Variants in FBH1 observed in about 807,000 individuals in gnomAD.
FBH1 encodes the protein F-box DNA helicase 1.
A neutral mutation model predicts 115.5 loss-of-function variants in FBH1; 43 were observed. The observed-to-expected ratio is 0.37, with a 90% CI of 0.29 to 0.48. FBH1 has a LOEUF of 0.48. Among genes scored for constraint, FBH1 ranks in the 20% least tolerant of loss-of-function variants. FBH1 has a pLI of 0.99. For synonymous variants in FBH1, 524 were observed against 507.8 expected, an observed-to-expected ratio of 1.03 and a Z score of -0.43; for missense variants, 1,001 against 1,337.3, an observed-to-expected ratio of 0.75 and a Z score of 3.92.
Position 5,910,553 on chromosome 10 carries a change from C to T in FBH1, c.1021-385C>T, listed in dbSNP as rs897079016. On this transcript the variant is annotated intron_variant, in intron 5 of 20. Transcript: ENST00000362091. This position sits in a 1 kb window ranked among gnomAD's most constrained non-coding sequence, Gnocchi z 4.8. ...TCTCTCATGCCTCTTGGGTGGGCGC[C>T]CCTTGCTGGCTGTTTTGCTCTGGCC... 6.6e-6 allele frequency among the ~76,000 whole-genome samples: 1 copy of T among 152,100 alleles called. No individual in the cohort carries two copies. The highest frequency in any genetic ancestry group is 1.5e-5 in the Non-Finnish European group (1 of 68,018).
rs1449900451 is a variant in FBH1 at position 5,918,921 on chromosome 10, TCA to T, written c.2100+446_2100+447del. Among the ~76,000 whole-genome samples the T allele has an allele frequency of 1.3e-5, 2 of 152,248 alleles. No individual in the cohort carries two copies. Among genetic ancestry groups the T allele is most frequent in the Non-Finnish European group, 2.9e-5 (2 of 68,036 alleles). On this transcript the variant is annotated intron_variant, in intron 13 of 20. Transcript: ENST00000362091. This position sits in a 1 kb window ranked among gnomAD's most constrained non-coding sequence, Gnocchi z 4.0. ...ACTCTCCCATAATGAATGTGACAAC[TCA>T]CAGTGTCCTTGATTATGCGAAAAGT...
In FBH1 at chr10:5,913,462, C is replaced by T. The variant is rs576107295; in HGVS notation, c.1212-285C>T. Among the ~76,000 whole-genome samples, 1 of 152,280 alleles carries T rather than the reference C, an allele frequency of 6.6e-6. No homozygotes were observed. The highest frequency in any genetic ancestry group is 6.5e-5 in the Admixed American group (1 of 15,292). ...TTACAGTTTTTCAGGTTGTTTGTCT[C>T]TTCAAGTCACAGCTGGCGCCCCTCA... On this transcript the variant is annotated intron_variant, in intron 6 of 20. Coordinates refer to ENST00000362091, the MANE Select transcript of FBH1 (RefSeq NM_178150.3). This position sits in a 1 kb window ranked among gnomAD's most constrained non-coding sequence, Gnocchi z 4.4.
Position 5,906,223 on chromosome 10 carries a change from G to C in FBH1, c.344G>C (p.Gly115Ala). The C allele has an allele frequency of 1.2e-6, 2 of 1,614,188 alleles. No homozygotes were observed. The highest frequency in any genetic ancestry group is 1.3e-5 in the African/African-American group (1 of 75,048). The change falls in exon 3 of 21, where the codon GGG becomes GCG. Residue 115 changes from glycine (G) to alanine (A), a missense_variant. Gly to Ala is a moderately conservative substitution (Grantham distance 60, BLOSUM62 0). This residue lies in a region of FBH1 where 420 missense variants were observed against 430.4 expected (regional missense o/e 0.98). Transcript: ENST00000362091. This position sits in a 1 kb window ranked among gnomAD's most constrained non-coding sequence, Gnocchi z 7.3. ...QEGSAGPGSP[G>A]SAPPSRKRSW... ...GGCAGTGCAGGGCCGGGCTCACCAG[G>C]GTCTGCCCCGCCCTCCAGGAAGCGG... is the stretch of plus-strand genomic sequence containing the variant.
In FBH1 at chr10:5,925,150, A is replaced by G; in HGVS notation, c.2597-217A>G. 1.8e-6 allele frequency: 1 copy of G among 547,936 alleles called. No homozygotes were observed. Among genetic ancestry groups the G allele is most frequent in the Non-Finnish European group, 3.2e-6 (1 of 313,180 alleles). The allele number at this position is 547,936 out of a possible 1,614,324, so 33.9% of individuals were successfully genotyped here. A position where few individuals can be genotyped will look rare whatever the true frequency, so the allele number is the denominator to read the frequency against. ...TTCCGAGAGGCGTTAACTCTCCTGCAACTAATTTTCGACTTTTCCCCTCGT... is the reference window on the plus strand; with the variant it reads ...TTCCGAGAGGCGTTAACTCTCCTGCGACTAATTTTCGACTTTTCCCCTCGT... On this transcript the variant is annotated intron_variant, in intron 17 of 20. Coordinates refer to ENST00000362091, the MANE Select transcript of FBH1 (RefSeq NM_178150.3). The surrounding 1 kb of genome is among the most constrained non-coding windows in gnomAD (Gnocchi z 4.6).
rs1458648008 is a variant in FBH1, at chr10:5,921,403, C to T, written c.2201-45C>T. On this transcript the variant is annotated intron_variant, in intron 14 of 20. Transcript: ENST00000362091. This position sits in a 1 kb window ranked among gnomAD's most constrained non-coding sequence, Gnocchi z 6.4. ...TCTCTTTTGTGTTACAAAAGTTTTC[C>T]TCTTTATTTCAATTTGCCATAGAGT... 1 of 1,610,174 alleles carries T rather than the reference C, an allele frequency of 6.2e-7. No individual in the cohort carries two copies. The highest frequency in any genetic ancestry group is 2.2e-5 in the East Asian group (1 of 44,830).
chr10:5,903,302 C>A, intron 2 of FBH1, 127 bp downstream of exon 2: 4 of 588,676 alleles, frequency 6.8e-6, no homozygotes, highest in Non-Finnish European at 1.0e-5. Context: ...AATAGCTTGA[C>A]ACTTTTTTTA....
chr10:5,917,520 C>T lies in FBH1; in HGVS notation c.1876+13C>T, dbSNP rs115190867. On this transcript the variant is annotated intron_variant, in intron 11 of 20. Transcript: ENST00000362091. The surrounding 1 kb of genome is among the most constrained non-coding windows in gnomAD (Gnocchi z 5.6). ...ATGACTCATGACGGTAGGCGGCTGC[C>T]GAATGGCGGGGACTGGCCAATGGGA... is the stretch of plus-strand genomic sequence containing the variant. The T allele has an allele frequency of 2.2e-4, 350 of 1,613,982 alleles. No homozygotes were observed. The African/African-American group carries it at 4.2e-3, about 20-fold the overall frequency.
chr10:5,924,569 GTTC>G lies in FBH1; in HGVS notation c.2596+64_2596+66del. 1.4e-6 allele frequency: 2 copies of G among 1,477,208 alleles called. No homozygotes were observed. The highest frequency in any genetic ancestry group is 1.2e-5 in the South Asian group (1 of 81,392). 91.5% of individuals were successfully genotyped at this position (1,477,208 alleles called of 1,614,324 possible). On this transcript the variant is annotated intron_variant, in intron 17 of 20. Transcript: ENST00000362091. The surrounding 1 kb of genome is among the most constrained non-coding windows in gnomAD (Gnocchi z 6.2). ...GAGGAGGAACAGATGGTCTTCTGCT[GTTC>G]TTTTTTTTTTTTTGAGACAGAGTAT... is the stretch of plus-strand genomic sequence containing the variant.
Position 5,906,271 on chromosome 10 carries a change from G to C in FBH1, c.392G>C (p.Ser131Thr). 6.2e-7 allele frequency: 1 copy of C among 1,614,208 alleles called. No individual in the cohort carries two copies. Among genetic ancestry groups the C allele is most frequent in the Non-Finnish European group, 8.5e-7 (1 of 1,180,020 alleles). ...CGGTCTTGGTCCTCTGAGGAAGAGA[G>C]TAACCAGGCTACCGGGACCAGCCGG... ...RKRSWSSEEE[S>T]NQATGTSRWD... Residue 131 changes from serine to threonine, a missense_variant, in exon 3 of 21, where the codon AGT becomes ACT. This residue lies in a region of FBH1 where 420 missense variants were observed against 430.4 expected (regional missense o/e 0.98). Transcript: ENST00000362091. This position sits in a 1 kb window ranked among gnomAD's most constrained non-coding sequence, Gnocchi z 7.3.
At chr10:5,934,912 G>A (rs935909318) in intron 19 of FBH1, 3 of 152,204 alleles carry the variant, frequency 2.0e-5, no homozygotes, top group Non-Finnish European at 4.4e-5. Context: ...GAACTCCTGG[G>A]CTCAAGTGAT....
At position 5,936,259 on chromosome 10, in the gene FBH1, C is replaced by G. The variant is rs375512387; in HGVS notation, c.2830-197C>G. 24 of 439,734 alleles carry G rather than the reference C, an allele frequency of 5.5e-5. No individual in the cohort carries two copies. In the South Asian group the frequency reaches 8.1e-4, roughly 15 times the overall value. 27.2% of individuals were successfully genotyped at this position (439,734 alleles called of 1,614,324 possible). A position where few individuals can be genotyped will look rare whatever the true frequency, so the allele number is the denominator to read the frequency against. ...TATATATATTTAAAAAGCAATTGGA[C>G]TGTCAGTTGGACTGTCGATAGCTTT... On this transcript the variant is annotated intron_variant, in intron 19 of 20. Transcript: ENST00000362091. The surrounding 1 kb of genome is among the most constrained non-coding windows in gnomAD (Gnocchi z 5.6).
chr10:5,916,860 T>G (rs1831996355), intron 10 of FBH1, among the ~76,000 whole-genome samples: 1 of 152,202 alleles, frequency 6.6e-6, no homozygotes, highest in Non-Finnish European at 1.5e-5. Flanking sequence ...TATTTTCTCC[T>G]GTGAAGGACA....
In FBH1 at chr10:5,907,605, C is replaced by T. The variant is rs187020066; in HGVS notation, c.753+973C>T. On this transcript the variant is annotated intron_variant, in intron 3 of 20. Transcript: ENST00000362091. The stretch of plus-strand genomic sequence containing the variant: ...TCTTGTGCCTTAGCCTCCCAAGTAG[C>T]TGGGATTACAGACATGTGCCACCAT... Among the ~76,000 whole-genome samples, 695 of 151,240 alleles carry T rather than the reference C, an allele frequency of 4.6e-3. 6 individuals are homozygous for T. The highest frequency in any genetic ancestry group is 0.016 in the African/African-American group (651 of 41,358).
chr10:5,928,675 T>G (rs955593363), intron 19 of FBH1: 1 of 152,222 alleles, frequency 6.6e-6, no homozygotes, highest in Non-Finnish European at 1.5e-5. Context: ...ACAAACCATC[T>G]TCTCACACTC....
Position 5,906,287 on chromosome 10 carries a change from G to A in FBH1, c.408G>A (p.Gly136=). 6.2e-7 allele frequency: 1 copy of A among 1,614,150 alleles called. No individual in the cohort carries two copies. The highest frequency in any genetic ancestry group is 2.2e-5 in the East Asian group (1 of 44,890). ...AGGAAGAGAGTAACCAGGCTACCGGGACCAGCCGGTGGGATGGAGTTTCTA... is the reference window on the plus strand; with the variant it reads ...AGGAAGAGAGTAACCAGGCTACCGGAACCAGCCGGTGGGATGGAGTTTCTA... ...SSEEESNQAT[G]TSRWDGVSKK... Residue 136 remains glycine (G), a synonymous_variant, in exon 3 of 21, where the codon GGG becomes GGA. Transcript: ENST00000362091. The surrounding 1 kb of genome is among the most constrained non-coding windows in gnomAD (Gnocchi z 7.3).
At position 5,921,442 on chromosome 10, in the gene FBH1, C is replaced by T. The variant is rs1269763512; in HGVS notation, c.2201-6C>T. 2.5e-6 allele frequency: 4 copies of T among 1,607,198 alleles called. No homozygotes were observed. Among genetic ancestry groups the T allele is most frequent in the Non-Finnish European group, 3.4e-6 (4 of 1,177,868 alleles). On this transcript the variant is annotated splice_polypyrimidine_tract_variant and splice_region_variant and intron_variant, in intron 14 of 20. Coordinates refer to ENST00000362091, the MANE Select transcript of FBH1 (RefSeq NM_178150.3). This position sits in a 1 kb window ranked among gnomAD's most constrained non-coding sequence, Gnocchi z 6.4. ...TTGCCATAGAGTTTGTGCTCTCTCC[C>T]TAAAGGTGGCATTAGAGGTGACGCA...
chr10:5,919,518 A>G (rs1276557159), intron 13 of FBH1, among the ~76,000 whole-genome samples: 1 of 152,202 alleles, frequency 6.6e-6, no homozygotes, highest in African/African-American at 2.4e-5. Context: ...TTATTTTTAA[A>G]TGAATTAAAA....
intron 1 of FBH1, among the ~76,000 whole-genome samples, chr10:5,896,666 T>C (rs753284389): frequency 2.0e-5 from 3 of 152,136 alleles, no homozygotes; most frequent in Non-Finnish European, 2.9e-5. Flanking sequence ...TCAACAACTC[T>C]GGGGGCCTTG....
chr10:5,919,703 ACTG>A (rs1832202176), intron 13 of FBH1, among the ~76,000 whole-genome samples: 1 of 152,210 alleles, frequency 6.6e-6, no homozygotes, highest in Non-Finnish European at 1.5e-5. Context: ...GAAAGTATCA[ACTG>A]TGCTGTGTTT....
Sources: gnomAD v4.1 joint callset for allele counts (sites outside exome capture counted in the v4.1 genomes callset) on GRCh38, gnomAD v4.1.1 for gene constraint, gnomAD v4.1.1 regional missense constraint, Gnocchi (gnomAD v3.1) non-coding constraint, MANE v1.5 for transcripts, NCBI Gene and HGNC (gene_info 2026-07-23, HGNC 2026-07-21) for gene names.